Variants in ULK4 observed in about 807,000 individuals in gnomAD.
The protein encoded by ULK4 is unc-51 like kinase 4.
A neutral mutation model predicts 160.6 loss-of-function variants in ULK4; 133 were observed. That is an observed-to-expected ratio of 0.83 (90% CI 0.72 to 0.96). The LOEUF (loss-of-function observed/expected upper bound fraction) is 0.96, where lower values mean the gene tolerates loss of function less well. Ranked by LOEUF, ULK4 falls within the 40% of genes least tolerant of loss-of-function variation. ULK4 has a pLI of 0.00. For missense variants in ULK4, 1,580 were observed against 1,499.5 expected, an observed-to-expected ratio of 1.05 and a Z score of -0.89; for synonymous variants, 534 against 539.8, an observed-to-expected ratio of 0.99 and a Z score of 0.15.
At chr3:41,717,427 A>G (rs771594594) in intron 23 of ULK4, among the ~76,000 whole-genome samples, 1 of 152,168 alleles carries the variant, frequency 6.6e-6, no homozygotes, top group Non-Finnish European at 1.5e-5. Context: ...AAATACTAGC[A>G]TAAGTCCAAT....
chr3:41,532,889 T>G (rs1381204228), intron 32 of ULK4, among the ~76,000 whole-genome samples: 1 of 152,182 alleles, frequency 6.6e-6, no homozygotes, highest in African/African-American at 2.4e-5. Context: ...CAAATTACTG[T>G]CATTAAGAGC....
chr3:41,535,990 C>G (rs1363810699), intron 32 of ULK4, among the ~76,000 whole-genome samples: 1 of 152,176 alleles, frequency 6.6e-6, no homozygotes, highest in Non-Finnish European at 1.5e-5. Flanking sequence ...CAGCAAGAAG[C>G]TCAGGATTCT....
intron 32 of ULK4, among the ~76,000 whole-genome samples, chr3:41,494,189 TG>T (rs946640580): frequency 1.8e-5 from 2 of 110,426 alleles, no homozygotes; most frequent in African/African-American, 6.6e-5. Context: ...AATAAAATAC[TG>T]GCAAACTGAA....
rs114306805 is a variant in ULK4, at chr3:41,276,692, C to T, written c.3679-27118G>A. On this transcript the variant is annotated intron_variant, in intron 35 of 36. Coordinates refer to ENST00000301831, the MANE Select transcript of ULK4 (RefSeq NM_017886.4). ...CTGGGAAAATAGTTGTAACATTTCT[C>T]ACAAAGGGTTTGGGTGTTTTCCTAG... Among the ~76,000 whole-genome samples the T allele has an allele frequency of 2.6e-3, 399 of 152,304 alleles. 2 individuals carry two copies. The highest frequency in any genetic ancestry group is 3.7e-3 in the Non-Finnish European group (254 of 68,020).
chr3:41,677,969 C>A (rs2035786281), intron 29 of ULK4, among the ~76,000 whole-genome samples: 1 of 152,102 alleles, frequency 6.6e-6, no homozygotes, highest in African/African-American at 2.4e-5. Flanking sequence ...CTCCTCCTGC[C>A]TGACTGCCTT....
In ULK4 at chr3:41,919,698, C is replaced by G; in HGVS notation, c.643+19G>C. 1 of 1,594,090 alleles carries G rather than the reference C, an allele frequency of 6.3e-7. No homozygotes were observed. The highest frequency in any genetic ancestry group is 1.7e-4 in the Middle Eastern group (1 of 6,000). On this transcript the variant is annotated intron_variant, in intron 6 of 36. Transcript: ENST00000301831. The stretch of plus-strand genomic sequence containing the variant: ...TTTTAGTCCAGCTCTGATTTTATAC[C>G]TATTCAGGAAACAATTACCTGAAAA...
In ULK4 at chr3:41,732,411, A is replaced by C. The variant is rs189249187; in HGVS notation, c.2322-14550T>G. Among the ~76,000 whole-genome samples, 263 of 152,296 alleles carry C rather than the reference A, an allele frequency of 1.7e-3. 1 individual carries two copies. The highest frequency in any genetic ancestry group is 2.4e-3 in the Non-Finnish European group (164 of 68,018). On this transcript the variant is annotated intron_variant, in intron 22 of 36. Transcript: ENST00000301831. Reference sequence around the variant, plus strand: ...GGAAATGCAAACTAAAACCACAATGAGGTATCACCTCACCCCAGTTAGAGT... The same window carrying C: ...GGAAATGCAAACTAAAACCACAATGCGGTATCACCTCACCCCAGTTAGAGT...
chr3:41,953,867 G>C (rs929832668), intron 2 of ULK4, among the ~76,000 whole-genome samples: 1 of 152,032 alleles, frequency 6.6e-6, no homozygotes, highest in Non-Finnish European at 1.5e-5. Context: ...GGGCAACATA[G>C]CCAAACCCCG....
intron 21 of ULK4, among the ~76,000 whole-genome samples, chr3:41,781,755 A>T (rs2039847507): frequency 6.6e-6 from 1 of 152,186 alleles, no homozygotes; most frequent in Non-Finnish European, 1.5e-5. Context: ...CCTGGCCAAC[A>T]TGGTGAAACC....
intron 34 of ULK4, among the ~76,000 whole-genome samples, chr3:41,429,563 A>G (rs2125844786): frequency 6.6e-6 from 1 of 152,366 alleles, no homozygotes; most frequent in Middle Eastern, 3.4e-3. Flanking sequence ...GCAGCCATAA[A>G]AAGGAATGAG....
At chr3:41,706,887 G>GTATATATA (rs1307598448) in intron 25 of ULK4, among the ~76,000 whole-genome samples, 1 of 127,534 alleles carries the variant, frequency 7.8e-6, no homozygotes, top group African/African-American at 3.7e-5. Flanking sequence ...GTGTGTGTGT[G>GTATATATA]TGTATATATA....
intron 17 of ULK4, among the ~76,000 whole-genome samples, chr3:41,866,660 G>C (rs1352178133): frequency 6.6e-6 from 1 of 152,084 alleles, no homozygotes; most frequent in Non-Finnish European, 1.5e-5. Context: ...CCCGGTTTGG[G>C]GACCCCTGTA....
At chr3:41,392,959 A>G (rs1477519584) in intron 35 of ULK4, among the ~76,000 whole-genome samples, 1 of 152,080 alleles carries the variant, frequency 6.6e-6, no homozygotes, top group Non-Finnish European at 1.5e-5. Context: ...ATATCACTCA[A>G]GCTCCTGTCC....
At chr3:41,721,261 T>A (rs1475821052) in intron 22 of ULK4, among the ~76,000 whole-genome samples, 1 of 103,132 alleles carries the variant, frequency 9.7e-6, no homozygotes, top group Non-Finnish European at 1.9e-5. Flanking sequence ...TTGAATTTTT[T>A]TTTTTTTTTT....
chr3:41,880,318 C>T (rs79211428), intron 17 of ULK4, among the ~76,000 whole-genome samples: 27,841 of 151,870 alleles, frequency 0.18, 2,896 homozygotes, highest in Middle Eastern at 0.28. Flanking sequence ...TTATATTTTT[C>T]AGTAAAAAAG....
intron 32 of ULK4, among the ~76,000 whole-genome samples, chr3:41,472,583 A>G (rs1559628345): frequency 6.6e-6 from 1 of 151,984 alleles, no homozygotes. Context: ...GAAAAAAAAA[A>G]AAAAGAAAAT....
chr3:41,635,449 AG>A lies in ULK4; in HGVS notation c.3072-19733del, dbSNP rs574552478. ...GTACATATTTATATAAATATATAGA[AG>A]CATAAATATATTAATGTTACATTTA... On this transcript the variant is annotated intron_variant, in intron 30 of 36. Coordinates refer to ENST00000301831, the MANE Select transcript of ULK4 (RefSeq NM_017886.4). Among the ~76,000 whole-genome samples, 92 of 152,166 alleles carry A rather than the reference AG, an allele frequency of 6.0e-4. 4 individuals are homozygous for A. The South Asian group carries it at 0.019, about 32-fold the overall frequency.
At position 41,472,509 on chromosome 3, in the gene ULK4, C is replaced by T. The variant is rs558409604; in HGVS notation, c.3227-9256G>A. Reference sequence around the variant, plus strand: ...ACTTGAGCCCAGGAGGTGGAGGTTGCGGTGAGCAGAGATCACACCACTGCA... The same window carrying T: ...ACTTGAGCCCAGGAGGTGGAGGTTGTGGTGAGCAGAGATCACACCACTGCA... On this transcript the variant is annotated intron_variant, in intron 32 of 36. Coordinates refer to ENST00000301831, the MANE Select transcript of ULK4 (RefSeq NM_017886.4). Among the ~76,000 whole-genome samples, 7 of 149,962 alleles carry T rather than the reference C, an allele frequency of 4.7e-5. No individual in the cohort carries two copies. In the South Asian group the frequency reaches 6.3e-4, roughly 14 times the overall value.
chr3:41,830,333 T>C (rs9831404), intron 18 of ULK4, among the ~76,000 whole-genome samples: 2 of 151,838 alleles, frequency 1.3e-5, no homozygotes, highest in African/African-American at 4.8e-5. Context: ...TTACTCTCTA[T>C]ATCTACTTTT....
Sources: allele counts gnomAD v4.1 joint callset (sites outside exome capture counted in the v4.1 genomes callset), GRCh38; gene constraint gnomAD v4.1.1; transcripts MANE v1.5; gene names NCBI Gene and HGNC (gene_info 2026-07-23, HGNC 2026-07-21).